Variants in SRP19 observed in about 807,000 individuals in gnomAD.
SRP19 encodes the protein signal recognition particle 19 kDa protein.
In SRP19, 11 loss-of-function variants were observed where a neutral mutation model predicts 22.4. The observed-to-expected ratio is 0.49, with a 90% CI of 0.31 to 0.81. The LOEUF is 0.81. Among genes scored for constraint, SRP19 ranks in the 40% least tolerant of loss-of-function variants. The pLI is 0.05. For missense variants in SRP19, 168 were observed against 175.9 expected, an observed-to-expected ratio of 0.96 and a Z score of 0.25; for synonymous variants, 61 against 57.6, an observed-to-expected ratio of 1.06 and a Z score of -0.27.
At chr5:112,864,589 G>A in intron 3 of SRP19, 32 bp from the exon 4 acceptor site, 1 of 1,611,918 alleles carries the variant, frequency 6.2e-7, no homozygotes, top group Non-Finnish European at 8.5e-7. Flanking sequence ...ACTTTCTTAA[G>A]TCCTGTTTTT....
exon 5 of SRP19, chr5:112,891,968 GAAAGTT>G (rs1768472096): frequency 2.4e-6 from 3 of 1,235,588 alleles, no homozygotes; most frequent in South Asian, 2.4e-5. Flanking sequence ...GAACAAGAGA[GAAAGTT>G]AAAGGAACAA....
downstream of SRP19, chr5:112,894,804 G>C (rs960006710): frequency 2.0e-5 from 3 of 152,122 alleles, no homozygotes; most frequent in Non-Finnish European, 4.4e-5. Flanking sequence ...ACTTAAAATA[G>C]TGGAAAATAA....
chr5:112,884,442 G>A (rs1768169397), intron 4 of SRP19, among the ~76,000 whole-genome samples: 2 of 151,078 alleles, frequency 1.3e-5, no homozygotes, highest in South Asian at 4.2e-4. Context: ...GGCTAGAGTG[G>A]CACAGCTCAC....
exon 5 of SRP19, chr5:112,892,848 A>G: frequency 6.2e-7 from 1 of 1,613,672 alleles, no homozygotes; most frequent in Non-Finnish European, 8.5e-7. Flanking sequence ...CCGAGAGAAA[A>G]AAGAGTAGTC....
At chr5:112,889,964 C>A (rs994666113) in intron 4 of SRP19, among the ~76,000 whole-genome samples, 2 of 149,962 alleles carry the variant, frequency 1.3e-5, no homozygotes, top group African/African-American at 5.0e-5. Context: ...GTAGCTGGGA[C>A]TGCAGGCAAA....
At chr5:112,898,124 G>C (rs1467642246) in exon 4 of SRP19, 1 of 152,168 alleles carries the variant, frequency 6.6e-6, no homozygotes, top group Non-Finnish European at 1.5e-5. Flanking sequence ...CTTCCAGTCA[G>C]CATGCGATTG....
intron 4 of SRP19, chr5:112,885,635 C>T: frequency 3.4e-6 from 1 of 290,124 alleles, no homozygotes. Flanking sequence ...CCAGGGTCTG[C>T]CAGCCTGGAG....
chr5:112,861,290 C>A lies in SRP19; in HGVS notation c.-87C>A, dbSNP rs1767381255. On this transcript the variant is annotated 5_prime_UTR_variant, in exon 1 of 5. The change creates a new upstream start codon in the 5' untranslated region. Transcript: ENST00000505459. ...GCAGGACTTCCGGCGGAAAAGCGGG[C>A]TGTCTCGGAAACTCAGAGCCGGGTT... is the stretch of plus-strand genomic sequence containing the variant. 21 of 1,490,302 alleles carry A rather than the reference C, an allele frequency of 1.4e-5. No individual in the cohort carries two copies. The highest frequency in any genetic ancestry group is 2.3e-5 in the East Asian group (1 of 44,252). 92.3% of individuals were successfully genotyped at this position (1,490,302 alleles called of 1,614,324 possible).
intron 4 of SRP19, among the ~76,000 whole-genome samples, chr5:112,888,601 C>CT (rs1192991410): frequency 1.5e-5 from 2 of 136,344 alleles, no homozygotes; most frequent in Admixed American, 1.5e-4. Context: ...TTTTTTATAA[C>CT]TTTTTTTTGT....
At chr5:112,882,015 A>C (rs541417526) in intron 4 of SRP19, 1 of 151,622 alleles carries the variant, frequency 6.6e-6, no homozygotes, top group Non-Finnish European at 1.5e-5. Context: ...CAAGCAATCC[A>C]CCCACCTTGA....
chr5:112,863,509 T>C (rs1204924869), intron 2 of SRP19, among the ~76,000 whole-genome samples: 1 of 152,228 alleles, frequency 6.6e-6, no homozygotes, highest in East Asian at 1.9e-4. Context: ...CCCCTAGTTG[T>C]GACAATCAAA....
downstream of SRP19, chr5:112,896,497 C>T (rs1050988044): frequency 6.6e-6 from 1 of 151,636 alleles, no homozygotes; most frequent in Non-Finnish European, 1.5e-5. Flanking sequence ...CACTCCACTC[C>T]AGCCTGAGTG....
rs1767666020 is a variant in SRP19, at chr5:112,868,065, C to G, written c.*528C>G. ...ACAGGGGAGTCTGTAAAAAGCCAGT[C>G]TGTAGATGATATTTTAATATATTAT... On this transcript the variant is annotated 3_prime_UTR_variant, in exon 5 of 5. Transcript: ENST00000505459. The G allele has an allele frequency of 1.0e-6, 1 of 985,360 alleles. No homozygotes were observed. The highest frequency in any genetic ancestry group is 1.2e-6 in the Non-Finnish European group (1 of 829,924). The allele number at this position is 985,360 out of a possible 1,614,324, so 61.0% of individuals were successfully genotyped here.
At position 112,868,769 on chromosome 5, in the gene SRP19, G is replaced by A. The variant is rs1767688643; in HGVS notation, c.*1232G>A. 6.6e-6 allele frequency: 1 copy of A among 151,550 alleles called. No individual in the cohort carries two copies. The highest frequency in any genetic ancestry group is 1.5e-5 in the Non-Finnish European group (1 of 67,982). The allele number at this position is 151,550 out of a possible 1,614,324, so 9.4% of individuals were successfully genotyped here. ...GTAAAATAAGCAAACCTAGAGTTGTGGAGATTTATATGTATTTATTTATTT... is the reference window on the plus strand; with the variant it reads ...GTAAAATAAGCAAACCTAGAGTTGTAGAGATTTATATGTATTTATTTATTT... On this transcript the variant is annotated 3_prime_UTR_variant, in exon 5 of 5. Transcript: ENST00000505459.
In SRP19 at chr5:112,890,078, C is replaced by T. The variant is rs188896956; in HGVS notation, c.302-1525C>T. Among the ~76,000 whole-genome samples, 1,197 of 150,402 alleles carry T rather than the reference C, an allele frequency of 8.0e-3. 82 individuals carry two copies. Among genetic ancestry groups the T allele is most frequent in the African/African-American group, 0.028 (1,126 of 40,346 alleles). On this transcript the variant is annotated intron_variant, in intron 4 of 4. Transcript: ENST00000391338. ...CTGACCTCAAATGATCCACCCCCAT[C>T]GGCCTCCCAAAGTGCTGGGATTACA...
exon 5 of SRP19, chr5:112,892,347 A>C: frequency 2.5e-6 from 4 of 1,614,128 alleles, no homozygotes; most frequent in Non-Finnish European, 3.4e-6. Context: ...GCGAGGAAGA[A>C]ACCTACCAAC....
chr5:112,876,581 C>T (rs1767902257), intron 4 of SRP19: 1 of 152,140 alleles, frequency 6.6e-6, no homozygotes, highest in Non-Finnish European at 1.5e-5. Flanking sequence ...GGAATTCTTT[C>T]TTGAAGAATT....
chr5:112,864,789 CA>C, intron 4 of SRP19, 57 bp downstream of exon 4: 4 of 1,338,288 alleles, frequency 3.0e-6, no homozygotes, highest in Admixed American at 2.2e-5. Context: ...CTACACAACA[CA>C]AAAAAGGTTC....
At chr5:112,880,700 G>T (rs1436850485) in intron 4 of SRP19, among the ~76,000 whole-genome samples, 1 of 152,178 alleles carries the variant, frequency 6.6e-6, no homozygotes, top group East Asian at 1.9e-4. Flanking sequence ...AACAAAGTAA[G>T]ATTGGATTTT....
Sources: allele counts gnomAD v4.1 joint callset (sites outside exome capture counted in the v4.1 genomes callset), GRCh38; gene constraint gnomAD v4.1.1; transcripts MANE v1.5; gene names NCBI Gene and HGNC (gene_info 2026-07-23, HGNC 2026-07-21).